The following DMD variants were observed in gnomAD, a reference collection of about 807,000 sequenced individuals.
DMD encodes mutant dystrophin.
DMD carries 63 observed loss-of-function variants against 330.1 expected under a neutral mutation model. That is an observed-to-expected ratio of 0.19 (90% CI 0.16 to 0.24). The LOEUF is 0.24. Ranked by LOEUF, DMD falls within the 10% of genes least tolerant of loss-of-function variation. The pLI, the probability that DMD is intolerant of heterozygous loss-of-function variation, is 1.00. For synonymous variants in DMD, 1,223 were observed against 959.8 expected, an observed-to-expected ratio of 1.27 and a Z score of -5.07; for missense variants, 3,344 against 2,684.1, an observed-to-expected ratio of 1.25 and a Z score of -5.43.
chrX:31,514,842 G>C (rs1206643152), intron 55 of DMD, among the ~76,000 whole-genome samples: 2 of 111,211 alleles, frequency 1.8e-5, no homozygotes, highest in Admixed American at 9.6e-5. Context: ...AGAATAGCAT[G>C]GGAATGGAGT....
At chrX:32,940,408 CATTTAA>C (rs2090325327) in intron 2 of DMD, among the ~76,000 whole-genome samples, 1 of 111,325 alleles carries the variant, frequency 9.0e-6, no homozygotes, top group South Asian at 3.7e-4. Context: ...ATTTTTATAA[CATTTAA>C]ATAAGAGCAA....
chrX:31,910,818 A>G (rs1322516048), intron 47 of DMD, among the ~76,000 whole-genome samples: 1 of 112,176 alleles, frequency 8.9e-6, no homozygotes, highest in African/African-American at 3.2e-5. Flanking sequence ...TGGAAAGAAC[A>G]TTGGGTAGTC....
chrX:32,771,874 T>C (rs935280201), intron 7 of DMD, among the ~76,000 whole-genome samples: 4 of 111,814 alleles, frequency 3.6e-5, no homozygotes, highest in African/African-American at 1.3e-4. Flanking sequence ...AACATCTAAG[T>C]ATCTTACATG....
intron 44 of DMD, among the ~76,000 whole-genome samples, chrX:32,113,854 A>G (rs2096598929): frequency 8.9e-6 from 1 of 111,892 alleles, no homozygotes; most frequent in Non-Finnish European, 1.9e-5. Context: ...AGGGATATAT[A>G]TTAATATTTC....
Position 33,142,934 on chromosome X carries a change from T to C in DMD, c.31+68348A>G, listed in dbSNP as rs996956752. Among the ~76,000 whole-genome samples, 4 of 111,585 alleles carry C rather than the reference T, an allele frequency of 3.6e-5. No individual in the cohort carries two copies. In the Admixed American group the frequency reaches 3.8e-4, roughly 11 times the overall value. On this transcript the variant is annotated intron_variant, in intron 1 of 78. Transcript: ENST00000357033. The stretch of plus-strand genomic sequence containing the variant: ...TGTCTTAAGAATATGGAGTCAGATG[T>C]TCAGTATGATTTTAGGAACAGCCAT...
intron 12 of DMD, among the ~76,000 whole-genome samples, chrX:32,596,203 C>A (rs2055505703): frequency 9.1e-6 from 1 of 109,688 alleles, no homozygotes; most frequent in Non-Finnish European, 1.9e-5. Flanking sequence ...TCAGGCTCTT[C>A]TTCTCTACTG....
intron 37 of DMD, among the ~76,000 whole-genome samples, chrX:32,360,406 T>C (rs2097827470): frequency 1.8e-5 from 2 of 111,864 alleles, no homozygotes; most frequent in South Asian, 3.7e-4. Flanking sequence ...AATGGGGTCA[T>C]TGTTACACTC....
chrX:31,431,382 T>TG (rs1569541591), intron 60 of DMD, among the ~76,000 whole-genome samples: 3 of 110,659 alleles, frequency 2.7e-5, no homozygotes, highest in East Asian at 2.9e-4. Context: ...AAATTATTAT[T>TG]ATGATGATGA....
At chrX:32,229,792 T>C (rs1378846081) in intron 43 of DMD, among the ~76,000 whole-genome samples, 1 of 98,518 alleles carries the variant, frequency 1.0e-5, no homozygotes, top group African/African-American at 3.7e-5. Flanking sequence ...GCTATAAACA[T>C]ATCTGTCATC....
intron 57 of DMD, among the ~76,000 whole-genome samples, chrX:31,494,028 G>A (rs370020406): frequency 2.8e-5 from 3 of 108,715 alleles, no homozygotes; most frequent in Admixed American, 2.0e-4. Flanking sequence ...ATGGTGGCGC[G>A]TGCCTGTAGT....
chrX:31,507,243 A>C, intron 56 of DMD, 38 bp downstream of exon 56: 1 of 1,160,750 alleles, frequency 8.6e-7, no homozygotes, highest in Non-Finnish European at 1.2e-6. Context: ...GGCCATTTTA[A>C]TTCATTTGTG....
chrX:32,703,430 G>C lies in DMD; in HGVS notation c.650-4137C>G, dbSNP rs187631159. On this transcript the variant is annotated intron_variant, in intron 7 of 78. Transcript: ENST00000357033. Reference sequence around the variant, plus strand: ...CAAACCTAGTTGTAGGAGACCATTTGTATACTATTAACAGGAAGCCAGAAG... The same window carrying C: ...CAAACCTAGTTGTAGGAGACCATTTCTATACTATTAACAGGAAGCCAGAAG... Among the ~76,000 whole-genome samples the C allele has an allele frequency of 4.9e-3, 551 of 111,429 alleles. 13 individuals are homozygous for C. Among genetic ancestry groups the C allele is most frequent in the Admixed American group, 0.048 (499 of 10,421 alleles).
intron 7 of DMD, among the ~76,000 whole-genome samples, chrX:32,765,954 TTCATTAAAAAA>T (rs1170478000): frequency 8.6e-4 from 96 of 112,018 alleles, no homozygotes; most frequent in African/African-American, 2.8e-3. Flanking sequence ...CATTTGTGGC[TTCATTAAAAAA>T]TCATTAAAAA....
chrX:32,734,352 C>G, intron 7 of DMD, among the ~76,000 whole-genome samples: 1 of 93,195 alleles, frequency 1.1e-5, no homozygotes, highest in Non-Finnish European at 2.0e-5. Context: ...GGAACTGGTA[C>G]CATTCCTTCT....
At chrX:32,648,194 T>C (rs1458887412) in intron 9 of DMD, among the ~76,000 whole-genome samples, 1 of 112,105 alleles carries the variant, frequency 8.9e-6, no homozygotes, top group Non-Finnish European at 1.9e-5. Flanking sequence ...TGAACCTAAA[T>C]ATTTTGTCTG....
intron 44 of DMD, among the ~76,000 whole-genome samples, chrX:32,063,169 AAT>A (rs60382036): frequency 0.23 from 23,779 of 103,030 alleles, 2,167 homozygotes; most frequent in African/African-American, 0.31. Flanking sequence ...CTACTCAAAT[AAT>A]GTTTTAAGTA....
chrX:33,307,089 T>A lies in DMD; in HGVS notation c.7+32170A>T, dbSNP rs187175580. ...TGTATTGGAGCAGAGAGAGTCCAGA[T>A]GATGATCCCTGAAATCCAGCAGTGG... On this transcript the variant is annotated intron_variant, in intron 1 of 17. Coordinates refer to the DMD transcript ENST00000288447. Among the ~76,000 whole-genome samples, 342 of 111,441 alleles carry A rather than the reference T, an allele frequency of 3.1e-3. 1 individual carries two copies. Among genetic ancestry groups the A allele is most frequent in the African/African-American group, 0.011 (333 of 30,709 alleles).
intron 67 of DMD, 137 bp from the exon 68 acceptor site, chrX:31,183,041 C>G: frequency 1.8e-6 from 1 of 570,373 alleles, no homozygotes; most frequent in South Asian, 3.2e-5. Context: ...CAAAGCTAGG[C>G]TGGCTTTTCA....
chrX:31,249,411 T>A (rs960308459), intron 63 of DMD, among the ~76,000 whole-genome samples: 41 of 111,104 alleles, frequency 3.7e-4, no homozygotes, highest in Admixed American at 2.3e-3. Flanking sequence ...CTGGCTTTTT[T>A]AAATTTTTAT....
Sources: gnomAD v4.1 joint callset for allele counts (sites outside exome capture counted in the v4.1 genomes callset) on GRCh38, gnomAD v4.1.1 for gene constraint, MANE v1.5 for transcripts, NCBI Gene and HGNC (gene_info 2026-07-23, HGNC 2026-07-21) for gene names.